SORBS3: variants seen among roughly 807,000 people sequenced by gnomAD.
SORBS3 encodes the protein vinexin.
Under a neutral mutation model 98.0 loss-of-function variants are expected in SORBS3, and 69 were observed. The ratio of observed to expected loss-of-function variants is 0.70; its 90% confidence interval spans 0.58 to 0.86. The LOEUF (loss-of-function observed/expected upper bound fraction) is 0.86, where lower values mean the gene tolerates loss of function less well. Among genes scored for constraint, SORBS3 ranks in the 40% least tolerant of loss-of-function variants. The pLI is 0.00. For synonymous variants in SORBS3, 394 were observed against 355.4 expected, an observed-to-expected ratio of 1.11 and a Z score of -1.22; for missense variants, 954 against 908.5, an observed-to-expected ratio of 1.05 and a Z score of -0.64.
In SORBS3 at chr8:22,567,103, G is replaced by A; in HGVS notation, c.1233G>A (p.Lys411=). ...AGGGTGACATTGTCTACATCCACAAGGAGGTGGACAAGAACTGGCTGGAGG... is the reference window on the plus strand; with the variant it reads ...AGGGTGACATTGTCTACATCCACAAAGAGGTGGACAAGAACTGGCTGGAGG... ...LQKGDIVYIH[K]EVDKNWLEGE... The change falls in exon 16 of 21, where the codon AAG becomes AAA. Residue 411 remains lysine, a synonymous_variant. Transcript: ENST00000240123. 1 of 1,613,786 alleles carries A rather than the reference G, an allele frequency of 6.2e-7. No individual in the cohort carries two copies. Among genetic ancestry groups the A allele is most frequent in the Non-Finnish European group, 8.5e-7 (1 of 1,179,992 alleles).
Position 22,571,054 on chromosome 8 carries a change from C to T in SORBS3, c.1576C>T (p.Gln526Ter), listed in dbSNP as rs766873227. 3 of 1,613,134 alleles carry T rather than the reference C, an allele frequency of 1.9e-6. No individual in the cohort carries two copies. The highest frequency in any genetic ancestry group is 2.2e-5 in the East Asian group (1 of 44,880). ...GCTCCGGCTCTGTGACGACGGCCCCCAGCTCCCCACGTCTCCCCGCCTGAC... is the reference window on the plus strand; with the variant it reads ...GCTCCGGCTCTGTGACGACGGCCCCTAGCTCCCCACGTCTCCCCGCCTGAC... ...PRLRLCDDGP[Q>*]LPTSPRLTAA... Residue 526 changes from glutamine (Q) to a stop codon, truncating the protein, a stop_gained, in exon 18 of 21, where the codon CAG (glutamine) becomes TAG (stop). Coordinates refer to ENST00000240123, the MANE Select transcript of SORBS3 (RefSeq NM_005775.5). LOFTEE classifies it high-confidence loss of function.
chr8:22,554,868 C>A lies in SORBS3; in HGVS notation c.108C>A (p.Pro36=), dbSNP rs207468998. ...IGSSSRGTRV[P]VIRNGGSNTL... is the part of the protein sequence containing the mutation. ...CTCCTGGCCCCTCCCCGCAGGTGCC[C>A]GTGATCCGGAATGGTGGCTCCAACA... is the stretch of plus-strand genomic sequence containing the variant. The change falls in exon 3 of 21, where the codon CCC becomes CCA. Residue 36 remains proline, a synonymous_variant. Transcript: ENST00000240123. This position sits in a 1 kb window ranked among gnomAD's most constrained non-coding sequence, Gnocchi z 6.5. The A allele has an allele frequency of 3.1e-6, 5 of 1,613,200 alleles. No individual in the cohort carries two copies. The South Asian group carries it at 5.5e-5, about 18-fold the overall frequency.
In SORBS3 at chr8:22,570,904, C is replaced by A. The variant is rs375815200; in HGVS notation, c.1432-6C>A. 5 of 1,585,134 alleles carry A rather than the reference C, an allele frequency of 3.2e-6. No homozygotes were observed. The East Asian group carries it at 6.7e-5, about 21-fold the overall frequency. Reference sequence around the variant, plus strand: ...GCCCCACAGACACTGACTTTTCCCCCCTCAGGGAGAGCACATCTGCCTGAT... The same window carrying A: ...GCCCCACAGACACTGACTTTTCCCCACTCAGGGAGAGCACATCTGCCTGAT... On this transcript the variant is annotated splice_region_variant and splice_polypyrimidine_tract_variant and intron_variant, in intron 17 of 20. Transcript: ENST00000240123.
Position 22,552,130 on chromosome 8 carries a change from C to T in SORBS3, c.-56+108C>T, listed in dbSNP as rs910528904. 5.4e-6 allele frequency: 5 copies of T among 924,378 alleles called. No individual in the cohort carries two copies. In the African/African-American group the frequency reaches 8.9e-5, roughly 16 times the overall value. The allele number at this position is 924,378 out of a possible 1,614,324, so 57.3% of individuals were successfully genotyped here. On this transcript the variant is annotated intron_variant, in intron 1 of 20. Transcript: ENST00000240123. ...CCCTCCCCGGGGTCCGCGTCCCAAA[C>T]TCTGGGAAGTACCTCCCACCAGCCC...
intron 3 of SORBS3, 40 bp downstream of exon 3, chr8:22,555,020 C>T (rs1586889864): frequency 6.5e-7 from 1 of 1,542,798 alleles, no homozygotes; most frequent in African/African-American, 1.4e-5. Context: ...GATGGAGGGT[C>T]AGGGCCCTGC....
At chr8:22,559,126 T>A (rs1586893554) in intron 5 of SORBS3, among the ~76,000 whole-genome samples, 2 of 151,840 alleles carry the variant, frequency 1.3e-5, no homozygotes, top group Admixed American at 1.3e-4. Context: ...GGCTGTGGGG[T>A]GGGAAAGGAA....
At chr8:22,569,064 T>C in intron 16 of SORBS3, 84 bp from the exon 17 acceptor site, 2 of 1,405,862 alleles carry the variant, frequency 1.4e-6, no homozygotes, top group Non-Finnish European at 1.9e-6. Context: ...GGGCCCACCT[T>C]CTCTTTGCTG....
In SORBS3 at chr8:22,572,397, G is replaced by T. The variant is rs770802641; in HGVS notation, c.1905G>T (p.Glu635Asp). Reference sequence around the variant, plus strand: ...ACGAAGACGAGCTGGAGCTGCGCGAGGGGGACAGGGTGGATGTCATGCAGC... The same window carrying T: ...ACGAAGACGAGCTGGAGCTGCGCGATGGGGACAGGGTGGATGTCATGCAGC... ...PQNEDELELREGDRVDVMQQC... is the reference protein window; with the variant it reads ...PQNEDELELRDGDRVDVMQQC... Residue 635 changes from glutamate (E) to aspartate (D), a missense_variant, in exon 20 of 21, where the codon GAG becomes GAT. By Grantham distance (45) the Glu-to-Asp change is conservative. Coordinates refer to ENST00000240123, the MANE Select transcript of SORBS3 (RefSeq NM_005775.5). 3.1e-6 allele frequency: 5 copies of T among 1,614,058 alleles called. No homozygotes were observed. Among genetic ancestry groups the T allele is most frequent in the Non-Finnish European group, 4.2e-6 (5 of 1,179,974 alleles).
At chr8:22,553,783 C>T (rs1363433518) in intron 1 of SORBS3, among the ~76,000 whole-genome samples, 1 of 152,228 alleles carries the variant, frequency 6.6e-6, no homozygotes, top group Non-Finnish European at 1.5e-5. Context: ...TCTGCCCTCA[C>T]CCACCGCTTC....
intron 6 of SORBS3, 117 bp from the exon 7 acceptor site, chr8:22,561,748 C>T: frequency 1.1e-6 from 1 of 905,172 alleles, no homozygotes; most frequent in Non-Finnish European, 1.8e-6. Flanking sequence ...CCCCACCATC[C>T]ACCCAGGAGC....
In SORBS3 at chr8:22,556,906, T is replaced by A; in HGVS notation, c.412T>A (p.Ser138Thr). Residue 138 changes from serine (S) to threonine (T), a missense_variant and splice_region_variant, in exon 4 of 21, where the codon TCC (serine) becomes ACC (threonine). Ser to Thr is a moderately conservative substitution (Grantham distance 58). Transcript: ENST00000240123. ...DESGMPIAPR[S>T]SVDRPRDWYR... ...GAGCGGCATGCCCATTGCCCCCCGA[T>A]CCGTGAGTCCAGGGCTGGGGGCCAC... The A allele has an allele frequency of 1.2e-6, 2 of 1,612,432 alleles. No homozygotes were observed. The highest frequency in any genetic ancestry group is 2.2e-5 in the South Asian group (2 of 91,072).
At chr8:22,549,072 A>G (rs1840046405), upstream of SORBS3, among the ~76,000 whole-genome samples, 1 of 152,228 alleles carries the variant, frequency 6.6e-6, no homozygotes, top group Admixed American at 6.5e-5. Flanking sequence ...TGAGCGGGGA[A>G]TACTGATGCC....
intron 7 of SORBS3, among the ~76,000 whole-genome samples, 183 bp from the exon 8 acceptor site, chr8:22,563,804 G>T (rs1215086454): frequency 6.6e-6 from 1 of 152,142 alleles, no homozygotes; most frequent in East Asian, 1.9e-4. Context: ...CAGTAGAGCT[G>T]GAATTTAAGC....
At position 22,554,682 on chromosome 8, in the gene SORBS3, G is replaced by A. The variant is rs1204102990; in HGVS notation, c.102+74G>A. 16 of 1,489,008 alleles carry A rather than the reference G, an allele frequency of 1.1e-5. No homozygotes were observed. Among genetic ancestry groups the A allele is most frequent in the East Asian group, 2.4e-5 (1 of 40,968 alleles). 92.2% of individuals were successfully genotyped at this position (1,489,008 alleles called of 1,614,324 possible). A position where few individuals can be genotyped will look rare whatever the true frequency, so the allele number is the denominator to read the frequency against. Reference sequence around the variant, plus strand: ...TGGGACGCTAGCAGGTCAGGTGGGGGCAGGAGGATGAAAGGGATGGAGGGA... The same window carrying A: ...TGGGACGCTAGCAGGTCAGGTGGGGACAGGAGGATGAAAGGGATGGAGGGA... On this transcript the variant is annotated intron_variant, in intron 2 of 20. Transcript: ENST00000240123. The surrounding 1 kb of genome is among the most constrained non-coding windows in gnomAD (Gnocchi z 6.5).
rs1384009789 is a variant in SORBS3, at chr8:22,574,931, C to T, written c.*203C>T. ...ACCCACGACTCACAGGCATTCCTCC[C>T]ACAGCCCTTTCATTTCCTCCCCACC... On this transcript the variant is annotated 3_prime_UTR_variant, in exon 21 of 21. Coordinates refer to ENST00000240123, the MANE Select transcript of SORBS3 (RefSeq NM_005775.5). 1 of 691,890 alleles carries T rather than the reference C, an allele frequency of 1.4e-6. No homozygotes were observed. The highest frequency in any genetic ancestry group is 2.6e-6 in the Non-Finnish European group (1 of 378,524). The allele number at this position is 691,890 out of a possible 1,614,324, so 42.9% of individuals were successfully genotyped here.
At chr8:22,574,185 C>T (rs983300812) in intron 20 of SORBS3, among the ~76,000 whole-genome samples, 11 of 152,210 alleles carry the variant, frequency 7.2e-5, no homozygotes, top group Non-Finnish European at 1.5e-4. Context: ...CCCCCTCCTC[C>T]TCTTCAAGAC....
Position 22,574,857 on chromosome 8 carries a change from C to A in SORBS3, c.*129C>A. The A allele has an allele frequency of 1.1e-6, 1 of 911,164 alleles. No homozygotes were observed. The highest frequency in any genetic ancestry group is 1.3e-5 in the South Asian group (1 of 76,076). The allele number at this position is 911,164 out of a possible 1,614,324, so 56.4% of individuals were successfully genotyped here. On this transcript the variant is annotated 3_prime_UTR_variant, in exon 21 of 21. Transcript: ENST00000240123. ...AGCTCCCAGCATCTGCAGACGACCC[C>A]CGCAGCCTTTCCCTCGGACCCCCCT...
At position 22,571,147 on chromosome 8, in the gene SORBS3, G is replaced by A. The variant is rs751559982; in HGVS notation, c.1669G>A (p.Asp557Asn). 15 of 1,593,812 alleles carry A rather than the reference G, an allele frequency of 9.4e-6. No homozygotes were observed. Among genetic ancestry groups the A allele is most frequent in the Middle Eastern group, 1.7e-4 (1 of 6,056 alleles). Reference sequence around the variant, plus strand: ...CCTGCGCAGCCCAGCTGACCCCATCGACTTGGGGGGACAGACCTCCCCCCG... The same window carrying A: ...CCTGCGCAGCCCAGCTGACCCCATCAACTTGGGGGGACAGACCTCCCCCCG... ...SALRSPADPI[D>N]LGGQTSPRRT... Residue 557 changes from aspartate (D) to asparagine (N), a missense_variant, in exon 18 of 21, where the codon GAC (aspartate) becomes AAC (asparagine). By Grantham distance (23) the Asp-to-Asn change is conservative. Transcript: ENST00000240123.
intron 7 of SORBS3, among the ~76,000 whole-genome samples, chr8:22,563,327 C>T (rs1457501877): frequency 1.3e-5 from 2 of 152,156 alleles, no homozygotes; most frequent in South Asian, 4.1e-4. Flanking sequence ...TCCATGTAAG[C>T]CAGCCAGCAA....
Sources: allele counts gnomAD v4.1 joint callset (sites outside exome capture counted in the v4.1 genomes callset), GRCh38; gene constraint gnomAD v4.1.1; non-coding constraint Gnocchi (gnomAD v3.1); transcripts MANE v1.5; gene names NCBI Gene and HGNC (gene_info 2026-07-23, HGNC 2026-07-21).